Variants in GRIN2B observed in about 807,000 individuals in gnomAD.
The protein encoded by GRIN2B is glutamate receptor ionotropic, NMDA 2B.
In GRIN2B, 5 loss-of-function variants were observed where a neutral mutation model predicts 114.5. The ratio of observed to expected loss-of-function variants is 0.04; its 90% CI spans 0.02 to 0.09. The LOEUF is 0.09. Ranked by LOEUF, GRIN2B falls within the 10% of genes least tolerant of loss-of-function variation. GRIN2B has a pLI of 1.00. For missense variants in GRIN2B, 1,108 were observed against 1,943.5 expected, an observed-to-expected ratio of 0.57 and a Z score of 8.08; for synonymous variants, 787 against 745.1, an observed-to-expected ratio of 1.06 and a Z score of -0.92.
chr12:13,855,549 G>C (rs543738280), intron 3 of GRIN2B, among the ~76,000 whole-genome samples: 1 of 152,194 alleles, frequency 6.6e-6, no homozygotes, highest in African/African-American at 2.4e-5. Flanking sequence ...GGCTCTAGGG[G>C]AGATTCCTTC....
chr12:13,914,427 C>T (rs1372160936), intron 2 of GRIN2B, among the ~76,000 whole-genome samples: 2 of 152,132 alleles, frequency 1.3e-5, no homozygotes, highest in Non-Finnish European at 2.9e-5. Context: ...ATAACGGATG[C>T]TAGTGAGGAT....
chr12:13,699,659 C>G (rs1654852829), intron 4 of GRIN2B, among the ~76,000 whole-genome samples: 1 of 151,780 alleles, frequency 6.6e-6, no homozygotes, highest in Non-Finnish European at 1.5e-5. Flanking sequence ...ATTATCTCAG[C>G]TCACTGCAAC....
intron 2 of GRIN2B, among the ~76,000 whole-genome samples, chr12:13,942,834 A>G (rs976348797): frequency 1.3e-5 from 2 of 152,184 alleles, no homozygotes; most frequent in African/African-American, 4.8e-5. Context: ...ACACAGCACT[A>G]TATGGGAGAG....
intron 5 of GRIN2B, among the ~76,000 whole-genome samples, chr12:13,621,007 A>G (rs1165995558): frequency 6.6e-6 from 1 of 152,158 alleles, no homozygotes; most frequent in African/African-American, 2.4e-5. Flanking sequence ...GGTTCATGTT[A>G]AAGAACATGT....
chr12:13,887,155 A>G (rs1866175933), intron 2 of GRIN2B, among the ~76,000 whole-genome samples: 2 of 152,228 alleles, frequency 1.3e-5, no homozygotes, highest in African/African-American at 4.8e-5. Flanking sequence ...AATTATTACA[A>G]AAATAAGCTG....
chr12:13,898,936 T>TACTACTACCACTATTACA (rs1406846741), intron 2 of GRIN2B, among the ~76,000 whole-genome samples: 3 of 152,128 alleles, frequency 2.0e-5, no homozygotes, highest in Admixed American at 2.0e-4. Flanking sequence ...CAACAACTAT[T>TACTACTACCACTATTACA]ACTACTACCA....
intron 3 of GRIN2B, among the ~76,000 whole-genome samples, chr12:13,860,027 G>T (rs1865728458): frequency 6.6e-6 from 1 of 152,162 alleles, no homozygotes; most frequent in South Asian, 2.1e-4. Context: ...GTAGGGTAAG[G>T]CATGAGTAAC....
Position 13,796,710 on chromosome 12 carries a change from T to G in GRIN2B, c.412-42795A>C, listed in dbSNP as rs558712117. Among the ~76,000 whole-genome samples, 14 of 152,306 alleles carry G rather than the reference T, an allele frequency of 9.2e-5. No homozygotes were observed. The East Asian group carries it at 2.5e-3, about 27-fold the overall frequency. ...ACCTCTCCATCCATCACTCTAACACTTGATCTGCCATTCCCCTGCAGGCTT... is the reference window on the plus strand; with the variant it reads ...ACCTCTCCATCCATCACTCTAACACGTGATCTGCCATTCCCCTGCAGGCTT... On this transcript the variant is annotated intron_variant, in intron 3 of 13. Transcript: ENST00000609686.
rs1456177258 is a variant in GRIN2B at position 13,615,864 on chromosome 12, GAT to G, written c.1329-202_1329-201del. Among the ~76,000 whole-genome samples the G allele has an allele frequency of 5.9e-5, 9 of 152,130 alleles. No homozygotes were observed. The highest frequency in any genetic ancestry group is 5.9e-4 in the Admixed American group (9 of 15,282). ...TATTCTCATTATCTCGTCATATTGAGATATGTTTCCTCTTAATTTTAATTCTC... is the reference window on the plus strand; with the variant it reads ...TATTCTCATTATCTCGTCATATTGAGATGTTTCCTCTTAATTTTAATTCTC... On this transcript the variant is annotated intron_variant, in intron 6 of 13. Coordinates refer to ENST00000609686, the MANE Select transcript of GRIN2B (RefSeq NM_000834.5). The surrounding 1 kb of genome is among the most constrained non-coding windows in gnomAD (Gnocchi z 5.8).
At chr12:13,901,846 T>C (rs1443288060) in intron 2 of GRIN2B, among the ~76,000 whole-genome samples, 1 of 152,166 alleles carries the variant, frequency 6.6e-6, no homozygotes, top group African/African-American at 2.4e-5. Flanking sequence ...ATAGTCTCTG[T>C]ATTTTACCTT....
At chr12:13,802,633 T>C (rs1864535961) in intron 3 of GRIN2B, among the ~76,000 whole-genome samples, 1 of 152,174 alleles carries the variant, frequency 6.6e-6, no homozygotes, top group African/African-American at 2.4e-5. Context: ...TGTAGAAAGA[T>C]GTTTCTTGAT....
At position 13,929,418 on chromosome 12, in the gene GRIN2B, C is replaced by T. The variant is rs149231815; in HGVS notation, c.-19+50510G>A. Among the ~76,000 whole-genome samples, 48 of 152,310 alleles carry T rather than the reference C, an allele frequency of 3.2e-4. No homozygotes were observed. The East Asian group carries it at 8.9e-3, about 28-fold the overall frequency. On this transcript the variant is annotated intron_variant, in intron 2 of 13. Transcript: ENST00000609686. ...CATTACCAGTCCATTTCTGCACTAG[C>T]CCTGCCCAGCTGCCAGTAATAATAA... is the stretch of plus-strand genomic sequence containing the variant.
chr12:13,583,364 A>G (rs756022016), intron 10 of GRIN2B, among the ~76,000 whole-genome samples: 1 of 152,232 alleles, frequency 6.6e-6, no homozygotes, highest in Non-Finnish European at 1.5e-5. Flanking sequence ...AGGCATTATT[A>G]TCTCCATTTA....
intron 4 of GRIN2B, among the ~76,000 whole-genome samples, chr12:13,679,760 C>G (rs999084794): frequency 6.6e-6 from 1 of 152,104 alleles, no homozygotes; most frequent in African/African-American, 2.4e-5. Context: ...ACAAACCCAT[C>G]CATTCACTGG....
chr12:13,959,326 G>GCAGC (rs1867650715), intron 2 of GRIN2B, among the ~76,000 whole-genome samples: 1 of 152,192 alleles, frequency 6.6e-6, no homozygotes, highest in Non-Finnish European at 1.5e-5. Flanking sequence ...ACAAAGGCAG[G>GCAGC]CAGCCGCCAG....
intron 5 of GRIN2B, among the ~76,000 whole-genome samples, chr12:13,670,108 A>G (rs577517036): frequency 3.6e-4 from 55 of 152,064 alleles, no homozygotes; most frequent in South Asian, 1.7e-3. Context: ...ATTCCTGAGT[A>G]CTATCATGGG....
In GRIN2B at chr12:13,608,822, T is replaced by A. The variant is rs1565474684; in HGVS notation, c.1791A>T (p.Gly597=). The part of the protein sequence containing the change: ...RCLADGREPG[G]PSFTIGKAIW... ...TAGCTTTGCCGATGGTGAAAGAGGG[T>A]CCACCAGGCTCTGGCATGACAAAAA... The change falls in exon 10 of 14, where the codon GGA becomes GGT. Residue 597 remains glycine (G), a synonymous_variant. Coordinates refer to ENST00000609686, the MANE Select transcript of GRIN2B (RefSeq NM_000834.5). 1.2e-6 allele frequency: 2 copies of A among 1,613,070 alleles called. No individual in the cohort carries two copies.
chr12:13,778,104 C>T (rs1265697307), intron 3 of GRIN2B, among the ~76,000 whole-genome samples: 1 of 152,206 alleles, frequency 6.6e-6, no homozygotes, highest in Non-Finnish European at 1.5e-5. Flanking sequence ...AGTGGACTTT[C>T]CCTATCTCCA....
Position 13,558,148 on chromosome 12 carries a change from C to T in GRIN2B, c.*4635G>A, listed in dbSNP as rs1948497031. On this transcript the variant is annotated 3_prime_UTR_variant, in exon 14 of 14. Coordinates refer to ENST00000609686, the MANE Select transcript of GRIN2B (RefSeq NM_000834.5). ...CACCCAAGTGAAGAAAGCAAAAGCT[C>T]TGCTGTAGTGTGTAGCAGCCTACTG... The T allele has an allele frequency of 6.6e-6, 1 of 152,178 alleles. No individual in the cohort carries two copies. Among genetic ancestry groups the T allele is most frequent in the Non-Finnish European group, 1.5e-5 (1 of 68,040 alleles). The allele number at this position is 152,178 out of a possible 1,614,324, so 9.4% of individuals were successfully genotyped here.
Sources: gnomAD v4.1 joint callset for allele counts (sites outside exome capture counted in the v4.1 genomes callset) on GRCh38, gnomAD v4.1.1 for gene constraint, Gnocchi (gnomAD v3.1) non-coding constraint, MANE v1.5 for transcripts, NCBI Gene and HGNC (gene_info 2026-07-23, HGNC 2026-07-21) for gene names.